RICTOR: variants seen among roughly 807,000 people sequenced by gnomAD.
RICTOR encodes the protein RPTOR independent companion of MTOR complex 2.
In RICTOR, 49 loss-of-function variants were observed where a neutral mutation model predicts 214.9. The ratio of observed to expected loss-of-function variants is 0.23; its 90% confidence interval spans 0.18 to 0.29. The LOEUF (loss-of-function observed/expected upper bound fraction) is 0.29. Ranked by LOEUF, RICTOR falls within the 10% of genes least tolerant of loss-of-function variation. The pLI is 1.00. For synonymous variants in RICTOR, 717 were observed against 711.3 expected (o/e 1.01, Z -0.13); for missense variants, 1,625 against 2,047.0 (o/e 0.79, Z 3.98).
At chr5:38,942,724 G>T in intron 37 of RICTOR, 109 bp downstream of exon 37, 1 of 868,030 alleles carries the variant, frequency 1.2e-6, no homozygotes, top group Non-Finnish European at 1.8e-6. Flanking sequence ...ACAAAGTGCT[G>T]GGATTGTAGG....
Position 38,950,073 on chromosome 5 carries a change from C to T in RICTOR, c.3775G>A (p.Val1259Ile), listed in dbSNP as rs778981659. The change falls in exon 31 of 38, where the codon GTA (valine) becomes ATA (isoleucine). Residue 1259 changes from valine to isoleucine, a missense_variant. This residue lies in a region of RICTOR where 1,214 missense variants were observed against 1,470.5 expected (regional missense o/e 0.83). Transcript: ENST00000357387. ...DTDCGSMSTV[V>I]STKTIKTSHY... is the part of the protein sequence containing the mutation. ...CTTGTCTTAATAGTTTTAGTACTTA[C>T]CACAGTACTCATGCTTCCACAGTCT... The T allele has an allele frequency of 9.3e-6, 15 of 1,612,446 alleles. No individual in the cohort carries two copies. Among genetic ancestry groups the T allele is most frequent in the Non-Finnish European group, 1.2e-5 (14 of 1,179,218 alleles).
chr5:38,994,008 G>C (rs1044255575), intron 6 of RICTOR, among the ~76,000 whole-genome samples: 4 of 151,928 alleles, frequency 2.6e-5, no homozygotes, highest in Non-Finnish European at 5.9e-5. Flanking sequence ...CGGTGAAACC[G>C]CGTCTCTACT....
At chr5:38,999,903 A>G (rs1753486860) in intron 5 of RICTOR, among the ~76,000 whole-genome samples, 1 of 152,004 alleles carries the variant, frequency 6.6e-6, no homozygotes, top group South Asian at 2.1e-4. Flanking sequence ...ATGTAAAGAC[A>G]AAAAAAGAAA....
At chr5:39,027,558 T>C (rs923448545) in intron 2 of RICTOR, among the ~76,000 whole-genome samples, 5 of 152,188 alleles carry the variant, frequency 3.3e-5, no homozygotes, top group East Asian at 1.9e-4. Flanking sequence ...GGCACGTATA[T>C]AGTATTCACC....
At chr5:38,964,938 G>A (rs1481873282) in intron 15 of RICTOR, 46 bp from the exon 16 acceptor site, 5 of 1,164,922 alleles carry the variant, frequency 4.3e-6, no homozygotes, top group East Asian at 4.8e-5. Flanking sequence ...GAAGTAGAAA[G>A]AGTTTATGTC....
intron 2 of RICTOR, among the ~76,000 whole-genome samples, chr5:39,035,447 C>G (rs987159996): frequency 6.6e-6 from 1 of 152,148 alleles, no homozygotes; most frequent in Non-Finnish European, 1.5e-5. Flanking sequence ...AGCTCCTCAC[C>G]AGCAATGGAA....
intron 11 of RICTOR, among the ~76,000 whole-genome samples, 180 bp from the exon 12 acceptor site, chr5:38,968,210 A>T (rs1750395365): frequency 1.3e-5 from 2 of 152,176 alleles, no homozygotes; most frequent in Non-Finnish European, 2.9e-5. Context: ...TAAGATTATG[A>T]TGAAGCTGAA....
chr5:38,940,096 A>G lies in RICTOR; in HGVS notation c.*2208T>C, dbSNP rs575253909. 116 of 219,652 alleles carry G rather than the reference A, an allele frequency of 5.3e-4. No homozygotes were observed. Among genetic ancestry groups the G allele is most frequent in the African/African-American group, 2.2e-3 (96 of 43,886 alleles). 13.6% of individuals were successfully genotyped at this position (219,652 alleles called of 1,614,324 possible). A position where few individuals can be genotyped will look rare whatever the true frequency, so the allele number is the denominator to read the frequency against. On this transcript the variant is annotated 3_prime_UTR_variant, in exon 38 of 38. Coordinates refer to ENST00000357387, the MANE Select transcript of RICTOR (RefSeq NM_152756.5). ...AAAGTAAGTGATATAGGCAGATATG[A>G]TAAGGTATACATACATATTTTTCAA...
chr5:39,010,251 TGAA>T (rs1327554133), intron 3 of RICTOR, among the ~76,000 whole-genome samples: 37 of 152,328 alleles, frequency 2.4e-4, no homozygotes, highest in African/African-American at 7.9e-4. Context: ...TGCTGCCATG[TGAA>T]GAAGGATGTG....
intron 2 of RICTOR, among the ~76,000 whole-genome samples, chr5:39,029,625 G>C (rs1356454885): frequency 1.3e-5 from 2 of 151,830 alleles, no homozygotes; most frequent in African/African-American, 2.4e-5. Flanking sequence ...GTAATGGAAA[G>C]GAAAAAAAAC....
At chr5:39,008,985 T>C (rs1177623287) in intron 3 of RICTOR, among the ~76,000 whole-genome samples, 2 of 152,020 alleles carry the variant, frequency 1.3e-5, no homozygotes, top group Non-Finnish European at 2.9e-5. Context: ...TATTGTGCTT[T>C]CAAACTGGGA....
At chr5:38,979,485 T>C (rs1171804288) in intron 8 of RICTOR, among the ~76,000 whole-genome samples, 2 of 152,252 alleles carry the variant, frequency 1.3e-5, no homozygotes, top group East Asian at 3.8e-4. Context: ...CTGCATTTCT[T>C]TGTTTTAGGT....
chr5:38,957,778 G>T (rs373281433), intron 24 of RICTOR, 48 bp from the exon 25 acceptor site: 1 of 1,015,206 alleles, frequency 9.9e-7, no homozygotes, highest in Non-Finnish European at 1.5e-6. Flanking sequence ...TGGCAAAAAC[G>T]TATCTTAAGA....
intron 2 of RICTOR, among the ~76,000 whole-genome samples, chr5:39,050,696 A>G (rs1159386036): frequency 6.6e-6 from 1 of 152,176 alleles, no homozygotes; most frequent in African/African-American, 2.4e-5. Context: ...TGTATATTTT[A>G]AAATTCCGTA....
chr5:39,055,332 T>C (rs1758128423), intron 2 of RICTOR, among the ~76,000 whole-genome samples: 1 of 152,072 alleles, frequency 6.6e-6, no homozygotes, highest in Non-Finnish European at 1.5e-5. Flanking sequence ...AGTTTTTCCT[T>C]CTACTTGAAG....
At position 38,954,266 on chromosome 5, in the gene RICTOR, G is replaced by A. The variant is rs145413658; in HGVS notation, c.2697+508C>T. ...ATGACATATTCACAACCATAAATGC[G>A]GTGTACATATTATAACTCAAAGAAC... On this transcript the variant is annotated intron_variant, in intron 27 of 37. Transcript: ENST00000357387. Among the ~76,000 whole-genome samples, 1,169 of 151,832 alleles carry A rather than the reference G, an allele frequency of 7.7e-3. 17 individuals carry two copies. The highest frequency in any genetic ancestry group is 0.027 in the African/African-American group (1,117 of 41,476).
chr5:39,032,623 T>A (rs1756352589), intron 2 of RICTOR, among the ~76,000 whole-genome samples: 1 of 151,966 alleles, frequency 6.6e-6, no homozygotes. Context: ...ACCCCCAAGA[T>A]CATAAAGACA....
At chr5:38,953,123 T>C in intron 28 of RICTOR, 32 bp from the exon 29 acceptor site, 2 of 1,382,322 alleles carry the variant, frequency 1.4e-6, no homozygotes, top group East Asian at 2.3e-5. Context: ...ACATCAAATA[T>C]AAGAGTCACT....
chr5:38,991,763 T>C (rs539570390), intron 6 of RICTOR, among the ~76,000 whole-genome samples: 1 of 152,256 alleles, frequency 6.6e-6, no homozygotes, highest in African/African-American at 2.4e-5. Context: ...GCAGTAACAT[T>C]TGGAATATTG....
Sources: gnomAD v4.1 joint callset for allele counts (sites outside exome capture counted in the v4.1 genomes callset) on GRCh38, gnomAD v4.1.1 for gene constraint, gnomAD v4.1.1 regional missense constraint, MANE v1.5 for transcripts, NCBI Gene and HGNC (gene_info 2026-07-23, HGNC 2026-07-21) for gene names.